Variants in SPINK13 observed in about 807,000 individuals in gnomAD.
SPINK13 encodes serine protease inhibitor Kazal-type 13.
SPINK13 carries 11 observed loss-of-function variants against 11.0 expected under a neutral mutation model. The observed-to-expected ratio is 1.00, with a 90% CI of 0.63 to 1.65. The LOEUF (loss-of-function observed/expected upper bound fraction) is 1.65, where lower values mean the gene tolerates loss of function less well. Ranked by LOEUF, SPINK13 falls within the 40% of genes most tolerant of loss-of-function variation. SPINK13 has a pLI of 0.00. For synonymous variants in SPINK13, 31 were observed against 35.6 expected (o/e 0.87, Z 0.46); for missense variants, 113 against 117.7 (o/e 0.96, Z 0.19).
intron 4 of SPINK13, 116 bp downstream of exon 4, chr5:148,282,347 C>A: frequency 7.8e-7 from 1 of 1,289,500 alleles, no homozygotes; most frequent in Non-Finnish European, 1.1e-6. Context: ...AAAAAATAGC[C>A]TCATTATTTA....
intron 4 of SPINK13, among the ~76,000 whole-genome samples, chr5:148,284,180 TC>T (rs1756558871): frequency 6.8e-6 from 1 of 147,256 alleles, no homozygotes; most frequent in South Asian, 2.2e-4. Flanking sequence ...CTTTCCTCCC[TC>T]CCTCCTTCCC....
intron 2 of SPINK13, among the ~76,000 whole-genome samples, chr5:148,272,939 C>A (rs982336354): frequency 2.6e-5 from 4 of 152,098 alleles, no homozygotes; most frequent in African/African-American, 9.7e-5. Context: ...TTCAATATTG[C>A]CAAATTTTAC....
At chr5:148,273,365 T>C (rs1756378397) in intron 2 of SPINK13, among the ~76,000 whole-genome samples, 1 of 152,132 alleles carries the variant, frequency 6.6e-6, no homozygotes, top group South Asian at 2.1e-4. Flanking sequence ...AAAGGAATTA[T>C]GTCATTTTAA....
At chr5:148,284,769 A>G (rs1031215075) in intron 4 of SPINK13, among the ~76,000 whole-genome samples, 1 of 152,154 alleles carries the variant, frequency 6.6e-6, no homozygotes, top group African/African-American at 2.4e-5. Flanking sequence ...CTTGTGAACA[A>G]CGTAAAATCT....
At chr5:148,284,126 C>G (rs181050764) in intron 4 of SPINK13, among the ~76,000 whole-genome samples, 2 of 135,842 alleles carry the variant, frequency 1.5e-5, no homozygotes, top group Non-Finnish European at 3.0e-5. Flanking sequence ...CCCTTTCCTT[C>G]CTCTCTTCCT....
At chr5:148,274,495 TC>T in intron 3 of SPINK13, 111 bp downstream of exon 3, 1 of 854,670 alleles carries the variant, frequency 1.2e-6, no homozygotes. Context: ...TGCCTGTAAT[TC>T]CAGAACTTAG....
intron 2 of SPINK13, among the ~76,000 whole-genome samples, chr5:148,273,466 G>C (rs977053993): frequency 6.6e-6 from 1 of 151,866 alleles, no homozygotes; most frequent in East Asian, 1.9e-4. Flanking sequence ...ATGTAATTTT[G>C]TTTCATTTTT....
chr5:148,282,549 A>G (rs1428155149), intron 4 of SPINK13, among the ~76,000 whole-genome samples: 3 of 151,570 alleles, frequency 2.0e-5, no homozygotes, highest in African/African-American at 7.3e-5. Flanking sequence ...TTTAAAAAAA[A>G]CACTGAACTT....
chr5:148,281,737 T>C (rs541091973), intron 3 of SPINK13, among the ~76,000 whole-genome samples: 1 of 151,768 alleles, frequency 6.6e-6, no homozygotes, highest in South Asian at 2.1e-4. Flanking sequence ...TTCAGCTATC[T>C]TGCCTGCAGT....
At chr5:148,279,762 G>A (rs904884475) in intron 3 of SPINK13, among the ~76,000 whole-genome samples, 2 of 152,070 alleles carry the variant, frequency 1.3e-5, no homozygotes, top group Admixed American at 1.3e-4. Flanking sequence ...TGTCTCTTGG[G>A]ATTGCCCTCC....
At chr5:148,274,602 C>T (rs1258058275) in intron 3 of SPINK13, among the ~76,000 whole-genome samples, 2 of 152,032 alleles carry the variant, frequency 1.3e-5, no homozygotes, top group Non-Finnish European at 2.9e-5. Context: ...CAAAAATTAG[C>T]CAGGTGTGGT....
chr5:148,286,035 GA>G lies in SPINK13; in HGVS notation c.276del (p.Lys92AsnfsTer28). On this transcript the variant is annotated frameshift_variant, in exon 5 of 5. Transcript: ENST00000398450. LOFTEE classifies it high-confidence loss of function. ...TATCGTATAAAATTTGAAAAATATGGAAAATGTGATTAATGGGTACCAGAGT... is the reference window on the plus strand; with the variant it reads ...TATCGTATAAAATTTGAAAAATATGGAAATGTGATTAATGGGTACCAGAGT... ...FHYRIKFEKY[G>X]KCD The G allele has an allele frequency of 1.4e-6, 2 of 1,461,176 alleles. No individual in the cohort carries two copies. Among genetic ancestry groups the G allele is most frequent in the Non-Finnish European group, 9.4e-7 (1 of 1,067,794 alleles). The allele number at this position is 1,461,176 out of a possible 1,614,324, so 90.5% of individuals were successfully genotyped here.
rs144324658 is a variant in SPINK13, at chr5:148,270,283, T to C, written c.70+141T>C. 2.1e-4 allele frequency: 156 copies of C among 737,412 alleles called. No homozygotes were observed. The African/African-American group carries it at 2.5e-3, about 12-fold the overall frequency. 45.7% of individuals were successfully genotyped at this position (737,412 alleles called of 1,614,324 possible). A position where few individuals can be genotyped will look rare whatever the true frequency, so the allele number is the denominator to read the frequency against. On this transcript the variant is annotated intron_variant, in intron 2 of 4. Coordinates refer to ENST00000398450, the MANE Select transcript of SPINK13 (RefSeq NM_001040129.3). ...CAGTCCAAACTGGGTATAATTAAAA[T>C]GTATATTCTTAAATAGAAAAACCAG...
intron 1 of SPINK13, among the ~76,000 whole-genome samples, chr5:148,269,308 A>C (rs1756311846): frequency 6.6e-6 from 1 of 152,196 alleles, no homozygotes. Flanking sequence ...AGAGACATTA[A>C]ACCAAGAATT....
chr5:148,286,089 T>C lies in SPINK13; in HGVS notation c.*41T>C, dbSNP rs747067062. ...CTACACTTGCTTATTCTTTTTCTAC[T>C]TAATTCAGAATAGTATTTCTTTTAG... On this transcript the variant is annotated 3_prime_UTR_variant, in exon 5 of 5. Transcript: ENST00000398450. The C allele has an allele frequency of 2.4e-6, 3 of 1,256,552 alleles. No individual in the cohort carries two copies. In the South Asian group the frequency reaches 4.4e-5, roughly 18 times the overall value. 77.8% of individuals were successfully genotyped at this position (1,256,552 alleles called of 1,614,324 possible). A position where few individuals can be genotyped will look rare whatever the true frequency, so the allele number is the denominator to read the frequency against.
At position 148,277,688 on chromosome 5, in the gene SPINK13, T is replaced by C. The variant is rs6860351; in HGVS notation, c.108+3304T>C. Among the ~76,000 whole-genome samples, 1,145 of 152,344 alleles carry C rather than the reference T, an allele frequency of 7.5e-3. 14 individuals carry two copies. The highest frequency in any genetic ancestry group is 0.027 in the African/African-American group (1,105 of 41,582). On this transcript the variant is annotated intron_variant, in intron 3 of 4. Coordinates refer to ENST00000398450, the MANE Select transcript of SPINK13 (RefSeq NM_001040129.3). Reference sequence around the variant, plus strand: ...CTGGATTCAGTTTGCCAGTATTTTATTGAGGATTTTCCCATCAATGTTCAC... The same window carrying C: ...CTGGATTCAGTTTGCCAGTATTTTACTGAGGATTTTCCCATCAATGTTCAC...
rs77875146 is a variant in SPINK13 at position 148,286,144 on chromosome 5, C to T, written c.*96C>T. 0.017 allele frequency: 12,322 copies of T among 719,788 alleles called. 579 individuals carry two copies. The highest frequency in any genetic ancestry group is 0.13 in the African/African-American group (6,903 of 53,574). 44.6% of individuals were successfully genotyped at this position (719,788 alleles called of 1,614,324 possible). A position where few individuals can be genotyped will look rare whatever the true frequency, so the allele number is the denominator to read the frequency against. On this transcript the variant is annotated 3_prime_UTR_variant, in exon 5 of 5. Coordinates refer to ENST00000398450, the MANE Select transcript of SPINK13 (RefSeq NM_001040129.3). The stretch of plus-strand genomic sequence containing the variant: ...TGAGAATGTAAATTAAATAACATCC[C>T]TATGCTGTACTTAAATGTCGAACAA...
chr5:148,280,962 T>C (rs530078655), intron 3 of SPINK13, among the ~76,000 whole-genome samples: 1 of 152,294 alleles, frequency 6.6e-6, no homozygotes, highest in Admixed American at 6.5e-5. Flanking sequence ...CTGCTGCCTT[T>C]TTGTCAGTGA....
chr5:148,273,304 G>A (rs1034827789), intron 2 of SPINK13, among the ~76,000 whole-genome samples: 2 of 151,028 alleles, frequency 1.3e-5, no homozygotes, highest in African/African-American at 4.9e-5. Flanking sequence ...AAAAAAAAAT[G>A]CATCTGTGTT....
Sources: allele counts gnomAD v4.1 joint callset (sites outside exome capture counted in the v4.1 genomes callset), GRCh38; gene constraint gnomAD v4.1.1; transcripts MANE v1.5; gene names NCBI Gene and HGNC (gene_info 2026-07-23, HGNC 2026-07-21).